Variants in CSMD1 observed in about 807,000 individuals in gnomAD.
CSMD1 encodes CUB and sushi domain-containing protein 1.
A neutral mutation model predicts 417.5 loss-of-function variants in CSMD1; 213 were observed. The observed-to-expected ratio is 0.51, with a 90% confidence interval of 0.46 to 0.57. The LOEUF (loss-of-function observed/expected upper bound fraction) is 0.57. Ranked by LOEUF, CSMD1 falls within the 20% of genes least tolerant of loss-of-function variation. The pLI is 0.00. For missense variants in CSMD1, 6,923 were observed against 4,529.7 expected (o/e 1.53, Z -15.17); for synonymous variants, 2,862 against 1,736.8 (o/e 1.65, Z -16.11).
chr8:3,857,617 G>A (rs899043716), intron 5 of CSMD1, among the ~76,000 whole-genome samples: 7 of 152,096 alleles, frequency 4.6e-5, no homozygotes, highest in African/African-American at 4.8e-5. Context: ...GGGCCAGGTG[G>A]AGTTCACAGA....
intron 1 of CSMD1, among the ~76,000 whole-genome samples, chr8:4,696,419 C>T (rs144932356): frequency 1.6e-3 from 249 of 152,288 alleles, no homozygotes; most frequent in African/African-American, 5.7e-3. Context: ...AAACATCCTG[C>T]TTCTCCTATT....
In CSMD1 at chr8:4,888,511, G is replaced by C. The variant is rs145244566; in HGVS notation, c.85+105821C>G. Among the ~76,000 whole-genome samples the C allele has an allele frequency of 5.6e-3, 854 of 151,946 alleles. 18 individuals carry two copies. The highest frequency in any genetic ancestry group is 0.02 in the African/African-American group (809 of 41,412). ...GAAGGATAGACTGATAGATGAGAGA[G>C]AGAGAGAGAGAGAGAGAGGTATGTG... On this transcript the variant is annotated intron_variant, in intron 1 of 69. Coordinates refer to ENST00000635120, the MANE Select transcript of CSMD1 (RefSeq NM_033225.6).
rs374837113 is a variant in CSMD1, at chr8:3,313,787, T to C, written c.3632-5284A>G. 5.5e-4 allele frequency among the ~76,000 whole-genome samples: 84 copies of C among 152,324 alleles called. No individual in the cohort carries two copies. The South Asian group carries it at 1.0e-2, about 18-fold the overall frequency. On this transcript the variant is annotated intron_variant, in intron 23 of 69. Transcript: ENST00000635120. ...ATTACTGGGTATATACTCAAAGGATTATAAATCATGCTTCTATAAGGAAAC... is the reference window on the plus strand; with the variant it reads ...ATTACTGGGTATATACTCAAAGGATCATAAATCATGCTTCTATAAGGAAAC...
intron 5 of CSMD1, among the ~76,000 whole-genome samples, chr8:3,830,516 G>C (rs753074836): frequency 5.9e-5 from 9 of 152,160 alleles, no homozygotes; most frequent in Non-Finnish European, 1.3e-4. Flanking sequence ...TGTGAAGACT[G>C]TTATGTCCTT....
chr8:3,909,150 T>G (rs1457144441), intron 5 of CSMD1, among the ~76,000 whole-genome samples: 1 of 152,156 alleles, frequency 6.6e-6, no homozygotes, highest in African/African-American at 2.4e-5. Context: ...GGATCGTGAT[T>G]GGTCCTTTGG....
At chr8:3,854,148 T>TATA (rs779143309) in intron 5 of CSMD1, among the ~76,000 whole-genome samples, 5 of 120,248 alleles carry the variant, frequency 4.2e-5, no homozygotes, top group Non-Finnish European at 8.0e-5. Flanking sequence ...TCTATTAAAG[T>TATA]ATAATAATAA....
intron 5 of CSMD1, among the ~76,000 whole-genome samples, chr8:3,939,707 G>C (rs933696276): frequency 1.6e-4 from 25 of 152,076 alleles, no homozygotes; most frequent in Admixed American, 1.6e-3. Flanking sequence ...AAAAAACAGT[G>C]CCTTTTGCAG....
At chr8:3,758,907 G>T (rs569236457) in intron 5 of CSMD1, among the ~76,000 whole-genome samples, 1 of 152,196 alleles carries the variant, frequency 6.6e-6, no homozygotes, top group Non-Finnish European at 1.5e-5. Flanking sequence ...GAGGCAGGAG[G>T]ACAAGGTTCC....
At chr8:4,452,074 C>T (rs146883854) in intron 2 of CSMD1, among the ~76,000 whole-genome samples, 1 of 152,060 alleles carries the variant, frequency 6.6e-6, no homozygotes, top group Non-Finnish European at 1.5e-5. Flanking sequence ...CCAGAATGAT[C>T]TCCTCTGCTT....
At chr8:4,082,875 T>G (rs1800215102) in intron 3 of CSMD1, among the ~76,000 whole-genome samples, 2 of 151,292 alleles carry the variant, frequency 1.3e-5, no homozygotes, top group Admixed American at 1.3e-4. Flanking sequence ...TTTGGTTTTT[T>G]GTCCTTGTGA....
chr8:4,061,919 T>A (rs139900069), intron 3 of CSMD1, among the ~76,000 whole-genome samples: 1 of 152,178 alleles, frequency 6.6e-6, no homozygotes, highest in Admixed American at 6.5e-5. Context: ...AAATCAATTA[T>A]GCATTACTGA....
chr8:3,010,521 C>A (rs75715896), intron 52 of CSMD1, among the ~76,000 whole-genome samples: 1 of 152,082 alleles, frequency 6.6e-6, no homozygotes, highest in African/African-American at 2.4e-5. Flanking sequence ...CAGGCAAGTC[C>A]GACTTCCTTG....
chr8:3,734,364 G>T (rs555106489), intron 6 of CSMD1, among the ~76,000 whole-genome samples: 2 of 152,192 alleles, frequency 1.3e-5, no homozygotes, highest in Non-Finnish European at 2.9e-5. Flanking sequence ...CAGCATCGTA[G>T]AAAAATGGAT....
intron 6 of CSMD1, among the ~76,000 whole-genome samples, chr8:3,735,173 C>T (rs1208867402): frequency 6.6e-6 from 1 of 152,208 alleles, no homozygotes; most frequent in African/African-American, 2.4e-5. Flanking sequence ...TCATATTTCC[C>T]TTGATCAGGC....
chr8:4,171,459 C>G (rs542507298), intron 3 of CSMD1, among the ~76,000 whole-genome samples: 1 of 151,926 alleles, frequency 6.6e-6, no homozygotes, highest in East Asian at 1.9e-4. Flanking sequence ...ATTGGCTCTC[C>G]TGAACTAAGA....
At chr8:3,443,525 A>G (rs1038313399) in intron 12 of CSMD1, among the ~76,000 whole-genome samples, 6 of 152,216 alleles carry the variant, frequency 3.9e-5, no homozygotes, top group Non-Finnish European at 8.8e-5. Context: ...GCAAGAATGA[A>G]CCAGAACAAT....
chr8:3,740,371 C>A (rs570698983), intron 6 of CSMD1, among the ~76,000 whole-genome samples: 112 of 152,114 alleles, frequency 7.4e-4, no homozygotes, highest in Non-Finnish European at 1.1e-3. Flanking sequence ...TTGGGCAGCA[C>A]AAATTTAAAG....
At chr8:4,507,227 A>G (rs143702411) in intron 2 of CSMD1, among the ~76,000 whole-genome samples, 1 of 152,224 alleles carries the variant, frequency 6.6e-6, no homozygotes, top group African/African-American at 2.4e-5. Context: ...TAGATAGTAG[A>G]TACCCATGCA....
At chr8:4,937,440 T>G (rs1284197985) in intron 1 of CSMD1, among the ~76,000 whole-genome samples, 1 of 152,162 alleles carries the variant, frequency 6.6e-6, no homozygotes, top group East Asian at 1.9e-4. Flanking sequence ...TTTTTCTCTA[T>G]GATGAGTAAT....
Sources: allele counts gnomAD v4.1 joint callset (sites outside exome capture counted in the v4.1 genomes callset), GRCh38; gene constraint gnomAD v4.1.1; transcripts MANE v1.5; gene names NCBI Gene and HGNC (gene_info 2026-07-23, HGNC 2026-07-21).